The following DPAGT1 variants were observed in gnomAD, a reference collection of about 807,000 sequenced individuals.
DPAGT1 encodes the protein UDP-N-acetylglucosamine--dolichyl-phosphate N-acetylglucosaminephosphotransferase.
In DPAGT1, 25 loss-of-function variants were observed where a neutral mutation model predicts 39.3. The observed-to-expected ratio is 0.64, with a 90% CI of 0.46 to 0.89. The LOEUF is 0.89. DPAGT1 is among the 40% of genes least tolerant of loss of function. The pLI is 0.00. For missense variants in DPAGT1, 381 were observed against 500.6 expected (o/e 0.76, Z 2.28); for synonymous variants, 193 against 201.4 (o/e 0.96, Z 0.36).
In DPAGT1 at chr11:119,097,796, G is replaced by T; in HGVS notation, c.917+59C>A. The T allele has an allele frequency of 6.2e-7, 1 of 1,605,268 alleles. No individual in the cohort carries two copies. Among genetic ancestry groups the T allele is most frequent in the Non-Finnish European group, 8.5e-7 (1 of 1,172,648 alleles). Reference sequence around the variant, plus strand: ...CTTTGCACAGCAAATGTATAGGCTGGCATTAGATATCCCAAGTGAAAAGGC... The same window carrying T: ...CTTTGCACAGCAAATGTATAGGCTGTCATTAGATATCCCAAGTGAAAAGGC... On this transcript the variant is annotated intron_variant, in intron 6 of 8. Transcript: ENST00000354202. The surrounding 1 kb of genome is among the most constrained non-coding windows in gnomAD (Gnocchi z 4.6).
rs1463433893 is a variant in DPAGT1, at chr11:119,097,832, A to T, written c.917+23T>A. 1 of 1,613,804 alleles carries T rather than the reference A, an allele frequency of 6.2e-7. No individual in the cohort carries two copies. On this transcript the variant is annotated intron_variant, in intron 6 of 8. Transcript: ENST00000354202. The surrounding 1 kb of genome is among the most constrained non-coding windows in gnomAD (Gnocchi z 4.6). ...CCCAAGTGAAAAGGCTATGATGTCC[A>T]TTTCAAGCCAAAAAGCGGCTACCTG...
downstream of DPAGT1, chr11:119,094,910 G>A (rs1946364231): frequency 6.6e-7 from 1 of 1,521,988 alleles, no homozygotes; most frequent in South Asian, 1.3e-5. Flanking sequence ...CCCTTAAAAG[G>A]GCCTTTGTGG....
chr11:119,096,775 G>C lies in DPAGT1; in HGVS notation c.*223C>G. On this transcript the variant is annotated 3_prime_UTR_variant, in exon 9 of 9. Transcript: ENST00000354202. ...GGGATGGAGAGGGAGAGAGTAGCAA[G>C]TTGCAGAAAGCCATAGGTAAAATCC... The C allele has an allele frequency of 1.6e-6, 1 of 610,636 alleles. No homozygotes were observed. Among genetic ancestry groups the C allele is most frequent in the Non-Finnish European group, 2.9e-6 (1 of 346,196 alleles). 37.8% of individuals were successfully genotyped at this position (610,636 alleles called of 1,614,324 possible).
At chr11:119,101,232 C>A (rs1946499668) in intron 1 of DPAGT1, 94 bp from the exon 2 acceptor site, 4 of 1,579,176 alleles carry the variant, frequency 2.5e-6, no homozygotes, top group Non-Finnish European at 3.4e-6. Flanking sequence ...GTGGTCTTCT[C>A]ATTCCCGGTT....
intron 5 of DPAGT1, 160 bp from the exon 6 acceptor site, chr11:119,098,203 A>T (rs777559745): frequency 8.7e-7 from 1 of 1,155,826 alleles, no homozygotes; most frequent in Non-Finnish European, 1.3e-6. Flanking sequence ...CCCTGAATTC[A>T]TCTATTCCTG....
rs35482889 is a variant in DPAGT1, at chr11:119,098,432, GA to G, written c.698del (p.Phe233SerfsTer28). On this transcript the variant is annotated frameshift_variant, in exon 5 of 9. Transcript: ENST00000354202. LOFTEE classifies it high-confidence loss of function. ...FSLYFMIPFF[F>X]TTLGLLYHNW... ...TGTGGTAGAGCAATCCCAAAGTGGT[GA>G]AAAAAAAGGGTATCATGAAGTAGAG... 1 of 1,612,952 alleles carries G rather than the reference GA, an allele frequency of 6.2e-7. No individual in the cohort carries two copies. The highest frequency in any genetic ancestry group is 1.1e-5 in the South Asian group (1 of 91,050).
chr11:119,096,897 G>A lies in DPAGT1; in HGVS notation c.*101C>T. 1 of 1,344,342 alleles carries A rather than the reference G, an allele frequency of 7.4e-7. No homozygotes were observed. The highest frequency in any genetic ancestry group is 1.1e-6 in the Non-Finnish European group (1 of 949,668). The allele number at this position is 1,344,342 out of a possible 1,614,324, so 83.3% of individuals were successfully genotyped here. A position where few individuals can be genotyped will look rare whatever the true frequency, so the allele number is the denominator to read the frequency against. Reference sequence around the variant, plus strand: ...CAAAATCTGGAGGAGTATGAAGAGTGAGAGAGGCCTGGGCAAGGAGGCAGT... The same window carrying A: ...CAAAATCTGGAGGAGTATGAAGAGTAAGAGAGGCCTGGGCAAGGAGGCAGT... On this transcript the variant is annotated 3_prime_UTR_variant, in exon 9 of 9. Transcript: ENST00000354202.
chr11:119,101,435 G>A (rs970012541), intron 1 of DPAGT1, 60 bp downstream of exon 1: 9 of 1,612,834 alleles, frequency 5.6e-6, no homozygotes, highest in Non-Finnish European at 7.6e-6. Context: ...TCCCGCCCCT[G>A]CCCTAGCCAC....
downstream of DPAGT1, chr11:119,094,884 A>T: frequency 7.2e-7 from 1 of 1,385,688 alleles, no homozygotes; most frequent in East Asian, 2.4e-5. Flanking sequence ...AGCTCTTTCC[A>T]TGAGGGCGGT....
At position 119,101,484 on chromosome 11, in the gene DPAGT1, C is replaced by T. The variant is rs1384217179; in HGVS notation, c.161+11G>A. The T allele has an allele frequency of 5.0e-6, 8 of 1,614,026 alleles. No homozygotes were observed. The highest frequency in any genetic ancestry group is 3.3e-4 in the Middle Eastern group (2 of 6,056). ...CTTGCCCCCTGCCCGGACCCGTGTG[C>T]CGCTGCTCACATCTGCTGTCGGCTG... On this transcript the variant is annotated intron_variant, in intron 1 of 8. Coordinates refer to ENST00000354202, the MANE Select transcript of DPAGT1 (RefSeq NM_001382.4).
rs1592230546 is a variant in DPAGT1, at chr11:119,101,772, A to G, written c.-117T>C. The G allele has an allele frequency of 6.4e-7, 1 of 1,567,940 alleles. No individual in the cohort carries two copies. The highest frequency in any genetic ancestry group is 8.6e-7 in the Non-Finnish European group (1 of 1,158,876). On this transcript the variant is annotated 5_prime_UTR_variant, in exon 1 of 9. Transcript: ENST00000354202. ...CTCCCCACAGGCAGGCTCTTCCCAC[A>G]CCAATCTGAGCAAAACCCAGCAACT...
chr11:119,101,166 G>C (rs753167724), intron 1 of DPAGT1, 28 bp from the exon 2 acceptor site: 3 of 1,613,514 alleles, frequency 1.9e-6, no homozygotes, highest in Non-Finnish European at 2.5e-6. Flanking sequence ...GGGGGCGAGG[G>C]GGAAGAGGAA....
chr11:119,100,945 C>T, intron 2 of DPAGT1, 73 bp downstream of exon 2: 1 of 1,613,974 alleles, frequency 6.2e-7, no homozygotes, highest in South Asian at 1.1e-5. Flanking sequence ...CCCCACAAGC[C>T]CAAATAACCC....
chr11:119,097,185 G>T lies in DPAGT1; in HGVS notation c.1118C>A (p.Pro373His). 1 of 1,614,108 alleles carries T rather than the reference G, an allele frequency of 6.2e-7. No homozygotes were observed. The change falls in exon 8 of 9, where the codon CCC (proline) becomes CAC (histidine). Residue 373 changes from proline to histidine, a missense_variant. By Grantham distance (77) the Pro-to-His change is moderately conservative (BLOSUM62 -2). Transcript: ENST00000354202. The surrounding 1 kb of genome is among the most constrained non-coding windows in gnomAD (Gnocchi z 4.6). ...LINLLLKVLG[P>H]IHERNLTLLL... ...CAATGTGAGGTTTCTCTCATGTATG[G>T]GCCCAAGGACTTTAAGTAGCAAGTT...
downstream of DPAGT1, chr11:119,094,981 C>G: frequency 6.2e-7 from 1 of 1,612,200 alleles, no homozygotes; most frequent in Non-Finnish European, 8.5e-7. Flanking sequence ...CCTGGGAGGC[C>G]TGGGTGGCCT....
At chr11:119,099,488 T>C (rs59661287) in intron 4 of DPAGT1, among the ~76,000 whole-genome samples, 1,537 of 150,900 alleles carry the variant, frequency 0.01, 28 homozygotes, top group African/African-American at 0.036. Flanking sequence ...CATTTTAATG[T>C]TTATTTAAGA....
intron 4 of DPAGT1, 130 bp downstream of exon 4, chr11:119,100,132 G>A (rs1024092849): frequency 2.0e-5 from 28 of 1,424,090 alleles, no homozygotes; most frequent in Non-Finnish European, 2.8e-5. Context: ...TATTTGCAAA[G>A]TAAGTAGCTT....
chr11:119,098,311 G>A (rs1236094269), intron 5 of DPAGT1, 92 bp downstream of exon 5: 1 of 1,404,748 alleles, frequency 7.1e-7, no homozygotes, highest in Non-Finnish European at 1.0e-6. Flanking sequence ...GGTATGCGCA[G>A]GTTTAGCTTC....
downstream of DPAGT1, chr11:119,095,161 T>G: frequency 1.9e-6 from 3 of 1,614,010 alleles, no homozygotes; most frequent in South Asian, 1.1e-5. Context: ...GGGGGATGAT[T>G]CGCGTCTTCT....
Sources: gnomAD v4.1 joint callset for allele counts (sites outside exome capture counted in the v4.1 genomes callset) on GRCh38, gnomAD v4.1.1 for gene constraint, Gnocchi (gnomAD v3.1) non-coding constraint, MANE v1.5 for transcripts, NCBI Gene and HGNC (gene_info 2026-07-23, HGNC 2026-07-21) for gene names.